The following SGIP1 variants were observed in gnomAD, a reference collection of about 807,000 sequenced individuals.
SGIP1 encodes SH3-containing GRB2-like protein 3-interacting protein 1.
Under a neutral mutation model 107.5 loss-of-function variants are expected in SGIP1, and 38 were observed. The ratio of observed to expected loss-of-function variants is 0.35; its 90% CI spans 0.27 to 0.46. SGIP1 has a LOEUF of 0.46. SGIP1 is among the 20% of genes least tolerant of loss of function. The probability of loss-of-function intolerance (pLI) is 1.00; values close to 1 mark genes in which losing one functional copy is unlikely to be tolerated. For missense variants in SGIP1, 929 were observed against 1,019.5 expected, an observed-to-expected ratio of 0.91 and a Z score of 1.21; for synonymous variants, 365 against 366.1, an observed-to-expected ratio of 1.00 and a Z score of 0.03.
intron 1 of SGIP1, among the ~76,000 whole-genome samples, chr1:66,617,847 G>A (rs764513369): frequency 1.3e-5 from 2 of 152,030 alleles, no homozygotes; most frequent in Non-Finnish European, 2.9e-5. Context: ...CAAAAAAATC[G>A]CATTCTTGTT....
rs1354486364 is a variant in SGIP1 at position 66,639,682 on chromosome 1, GC to G, written c.172-94del. The G allele has an allele frequency of 9.9e-6, 10 of 1,008,038 alleles. No individual in the cohort carries two copies. The Admixed American group carries it at 2.0e-4, about 20-fold the overall frequency. 62.4% of individuals were successfully genotyped at this position (1,008,038 alleles called of 1,614,324 possible). On this transcript the variant is annotated intron_variant, in intron 4 of 24. Transcript: ENST00000371037. ...GTCTTTCCAGTGCTGGATTTTGATA[GC>G]TTTTGCTAAATGCAGATAAGAGTTA... is the stretch of plus-strand genomic sequence containing the variant.
intron 1 of SGIP1, among the ~76,000 whole-genome samples, chr1:66,610,626 G>T (rs1331868520): frequency 2.6e-5 from 4 of 152,004 alleles, no homozygotes; most frequent in Admixed American, 6.5e-5. Flanking sequence ...TAGGATTTTA[G>T]CAGGAAAGAG....
chr1:66,622,950 A>G (rs1185078918), intron 1 of SGIP1, among the ~76,000 whole-genome samples: 1 of 152,190 alleles, frequency 6.6e-6, no homozygotes, highest in African/African-American at 2.4e-5. Context: ...TGTTTTTAAA[A>G]CTTATCGGAT....
intron 1 of SGIP1, among the ~76,000 whole-genome samples, chr1:66,613,595 G>C (rs1325404628): frequency 6.6e-6 from 1 of 152,216 alleles, no homozygotes; most frequent in Admixed American, 6.5e-5. Flanking sequence ...CTCCCAAAGT[G>C]CTGGGATTAC....
At chr1:66,704,230 T>C (rs909057064) in intron 18 of SGIP1, 2 of 152,196 alleles carry the variant, frequency 1.3e-5, no homozygotes, top group East Asian at 1.9e-4. Flanking sequence ...TCTGACAATT[T>C]GATTCTGCTG....
At chr1:66,630,908 G>GAA (rs1570917465) in intron 2 of SGIP1, among the ~76,000 whole-genome samples, 3 of 32,700 alleles carry the variant, frequency 9.2e-5, no homozygotes, top group African/African-American at 2.8e-4. Flanking sequence ...AGAAAGAAGG[G>GAA]AGGGAGGGAG....
In SGIP1 at chr1:66,719,414, G is replaced by A; in HGVS notation, c.1742+9G>A. 6.3e-7 allele frequency: 1 copy of A among 1,595,598 alleles called. No individual in the cohort carries two copies. The highest frequency in any genetic ancestry group is 1.1e-5 in the South Asian group (1 of 90,456). The stretch of plus-strand genomic sequence containing the variant: ...GGAGCAGACCCAAGCAAGTAAGCCT[G>A]ATACTTGGTCCATTGTACTTTCTGA... On this transcript the variant is annotated intron_variant, in intron 19 of 24. Transcript: ENST00000371037.
At chr1:66,623,201 T>C (rs1216794333) in intron 1 of SGIP1, among the ~76,000 whole-genome samples, 1 of 152,226 alleles carries the variant, frequency 6.6e-6, no homozygotes. Context: ...TTTCTTCATA[T>C]TTTTTGTAAA....
At chr1:66,660,295 C>G (rs2081204404) in intron 7 of SGIP1, 1 of 556,836 alleles carries the variant, frequency 1.8e-6, no homozygotes. Flanking sequence ...GCTCAGATGC[C>G]CAGATGAAGT....
At chr1:66,549,153 TC>T (rs2056986842) in intron 1 of SGIP1, among the ~76,000 whole-genome samples, 2 of 138,816 alleles carry the variant, frequency 1.4e-5, no homozygotes, top group East Asian at 4.1e-4. Flanking sequence ...CTTCCTTCCT[TC>T]CTTCCTTCCT....
chr1:66,627,526 A>G (rs894089857), intron 2 of SGIP1, among the ~76,000 whole-genome samples: 2 of 152,168 alleles, frequency 1.3e-5, no homozygotes, highest in African/African-American at 4.8e-5. Flanking sequence ...CCTTGAAACC[A>G]TGAAAGTTTT....
At chr1:66,737,027 AAC>A (rs1237711794) in intron 21 of SGIP1, among the ~76,000 whole-genome samples, 1 of 152,214 alleles carries the variant, frequency 6.6e-6, no homozygotes. Context: ...TATAATAGAA[AAC>A]ACATTTTATT....
At chr1:66,736,478 T>A (rs2761193) in intron 21 of SGIP1, among the ~76,000 whole-genome samples, 1 of 52,950 alleles carries the variant, frequency 1.9e-5, no homozygotes, top group Non-Finnish European at 3.8e-5. Context: ...TATAATATAT[T>A]GCGTATTATA....
intron 21 of SGIP1, among the ~76,000 whole-genome samples, chr1:66,735,777 G>C (rs1344604952): frequency 6.4e-5 from 1 of 15,714 alleles, no homozygotes; most frequent in Admixed American, 4.8e-4. Flanking sequence ...CTGAGATTGC[G>C]CCACTGCAGT....
At chr1:66,673,197 A>G (rs935933176) in intron 11 of SGIP1, 84 bp from the exon 12 acceptor site, 13 of 1,414,320 alleles carry the variant, frequency 9.2e-6, no homozygotes, top group Admixed American at 5.1e-5. Flanking sequence ...TTCACTAAGA[A>G]AAATATGTGA....
At chr1:66,548,873 G>A (rs2056903284) in intron 1 of SGIP1, among the ~76,000 whole-genome samples, 1 of 152,110 alleles carries the variant, frequency 6.6e-6, no homozygotes, top group Admixed American at 6.6e-5. Context: ...ACCTGCAGGT[G>A]CCAAAACTTA....
At position 66,749,995 on chromosome 1, in the gene SGIP1, T is replaced by TTC. The variant is rs71058473; in HGVS notation, c.*6920_*6921dup. Among the ~76,000 whole-genome samples the TTC allele has an allele frequency of 0.049, 4,607 of 93,146 alleles. 105 individuals carry two copies. The highest frequency in any genetic ancestry group is 0.12 in the Middle Eastern group (27 of 232). The allele number at this position is 93,146 out of a possible 152,430, so 61.1% of individuals were successfully genotyped here. A position where few individuals can be genotyped will look rare whatever the true frequency, so the allele number is the denominator to read the frequency against. ...GAGATTGGCTCCTATCTAATTCATA[T>TTC]TCTCTCTCTCTCTCTCTCTCTTTCT... On this transcript the variant is annotated 3_prime_UTR_variant, in exon 25 of 25. Coordinates refer to ENST00000371037, the MANE Select transcript of SGIP1 (RefSeq NM_032291.4).
At chr1:66,640,194 G>A (rs1041015389) in intron 5 of SGIP1, among the ~76,000 whole-genome samples, 4 of 152,180 alleles carry the variant, frequency 2.6e-5, no homozygotes, top group Non-Finnish European at 5.9e-5. Flanking sequence ...TATCAGCTGT[G>A]TGTGGCCTTG....
At chr1:66,613,163 G>A (rs2068396986) in intron 1 of SGIP1, among the ~76,000 whole-genome samples, 1 of 152,108 alleles carries the variant, frequency 6.6e-6, no homozygotes, top group Non-Finnish European at 1.5e-5. Flanking sequence ...ATCATAGTAA[G>A]TATTATAGAA....
Sources: gnomAD v4.1 joint callset for allele counts (sites outside exome capture counted in the v4.1 genomes callset) on GRCh38, gnomAD v4.1.1 for gene constraint, MANE v1.5 for transcripts, NCBI Gene and HGNC (gene_info 2026-07-23, HGNC 2026-07-21) for gene names.